TNFSF4: variants seen among roughly 807,000 people sequenced by gnomAD.
TNFSF4 encodes tumor necrosis factor ligand superfamily member 4.
In TNFSF4, 4 loss-of-function variants were observed where a neutral mutation model predicts 7.3. That is an observed-to-expected ratio of 0.55 (90% CI 0.27 to 1.25). The LOEUF (loss-of-function observed/expected upper bound fraction) is 1.25. TNFSF4 is among the 50% of genes most tolerant of loss of function. The probability of loss-of-function intolerance (pLI) is 0.12; values close to 1 mark genes in which losing one functional copy is unlikely to be tolerated. For synonymous variants in TNFSF4, 76 were observed against 83.7 expected (o/e 0.91, Z 0.50); for missense variants, 181 against 208.8 (o/e 0.87, Z 0.82).
chr1:173,328,634 T>C, the TNFSF4 span, among the ~76,000 whole-genome samples: 1 of 151,780 alleles, frequency 6.6e-6, no homozygotes, highest in East Asian at 1.9e-4. Context: ...TATACCTATG[T>C]AACAAACCTG....
the TNFSF4 span, among the ~76,000 whole-genome samples, chr1:173,382,909 C>CACACACAA: frequency 3.6e-4 from 24 of 67,266 alleles, no homozygotes; most frequent in African/African-American, 7.1e-4. Flanking sequence ...CACACACACA[C>CACACACAA]AAAGGTGCGT....
At chr1:173,376,892 A>G in the TNFSF4 span, among the ~76,000 whole-genome samples, 1 of 152,150 alleles carries the variant, frequency 6.6e-6, no homozygotes, top group Non-Finnish European at 1.5e-5. Flanking sequence ...TTCATTCCTG[A>G]AGTCAGTGAG....
the TNFSF4 span, among the ~76,000 whole-genome samples, chr1:173,320,890 T>A: frequency 6.6e-6 from 1 of 152,244 alleles, no homozygotes; most frequent in Non-Finnish European, 1.5e-5. Context: ...ATTGTGAAGA[T>A]GGTCATGCTG....
the TNFSF4 span, among the ~76,000 whole-genome samples, chr1:173,425,723 C>CA: frequency 6.6e-6 from 1 of 152,242 alleles, no homozygotes; most frequent in Admixed American, 6.5e-5. Context: ...GGTTAATGCA[C>CA]ACACAGCCTT....
chr1:173,344,233 T>C, the TNFSF4 span, among the ~76,000 whole-genome samples: 1 of 152,202 alleles, frequency 6.6e-6, no homozygotes, highest in African/African-American at 2.4e-5. Flanking sequence ...TGATGTAACA[T>C]TGCAGCGCAC....
the TNFSF4 span, among the ~76,000 whole-genome samples, chr1:173,352,954 C>T: frequency 2.6e-5 from 4 of 152,192 alleles, no homozygotes; most frequent in African/African-American, 9.6e-5. Context: ...AGTGATATTT[C>T]TCTTACCCAT....
intron 1 of TNFSF4, among the ~76,000 whole-genome samples, chr1:173,195,307 C>T (rs1337624910): frequency 6.6e-6 from 1 of 152,236 alleles, no homozygotes; most frequent in South Asian, 2.1e-4. Flanking sequence ...CTAGAAAGAG[C>T]TCCTCAACCA....
the TNFSF4 span, among the ~76,000 whole-genome samples, chr1:173,347,625 A>T: frequency 6.6e-6 from 1 of 152,232 alleles, no homozygotes; most frequent in Non-Finnish European, 1.5e-5. Flanking sequence ...GAAAGAAATC[A>T]TTTTATTTTA....
the TNFSF4 span, among the ~76,000 whole-genome samples, chr1:173,433,988 T>C: frequency 5.9e-5 from 9 of 151,984 alleles, no homozygotes; most frequent in Admixed American, 2.0e-4. Context: ...TGAAGATGAG[T>C]TATGCTGCCA....
At chr1:173,201,808 T>C (rs1038599527) in intron 1 of TNFSF4, among the ~76,000 whole-genome samples, 1 of 152,258 alleles carries the variant, frequency 6.6e-6, no homozygotes, top group African/African-American at 2.4e-5. Flanking sequence ...ATACAAAGCA[T>C]AGGATGGTAG....
At chr1:173,250,389 T>C in the TNFSF4 span, among the ~76,000 whole-genome samples, 5 of 152,210 alleles carry the variant, frequency 3.3e-5, no homozygotes, top group African/African-American at 1.2e-4. Flanking sequence ...GAAAATCATG[T>C]CTTATATGTA....
chr1:173,207,399 G>C (rs1650243432), upstream of TNFSF4: 1 of 410,356 alleles, frequency 2.4e-6, no homozygotes, highest in East Asian at 3.6e-5. Context: ...GAACTTCTTT[G>C]TGACTAATCT....
chr1:173,412,083 T>C, the TNFSF4 span, among the ~76,000 whole-genome samples: 3 of 138,404 alleles, frequency 2.2e-5, no homozygotes, highest in Admixed American at 2.4e-4. Context: ...GCCATTGCAC[T>C]CCAGCCTGGC....
the TNFSF4 span, among the ~76,000 whole-genome samples, chr1:173,321,405 G>A: frequency 1.3e-5 from 2 of 152,078 alleles, no homozygotes; most frequent in Non-Finnish European, 2.9e-5. Flanking sequence ...TACCATTCAG[G>A]ACATAGGCAT....
the TNFSF4 span, among the ~76,000 whole-genome samples, chr1:173,380,934 C>G: frequency 6.6e-6 from 1 of 152,152 alleles, no homozygotes; most frequent in Admixed American, 6.5e-5. Flanking sequence ...ACTAACTGGA[C>G]AGGCACCTGC....
chr1:173,270,868 A>G, the TNFSF4 span, among the ~76,000 whole-genome samples: 2 of 152,160 alleles, frequency 1.3e-5, no homozygotes, highest in Non-Finnish European at 2.9e-5. Flanking sequence ...AGTAGAACCA[A>G]ATTTTCAGAA....
At chr1:173,404,528 C>A in the TNFSF4 span, among the ~76,000 whole-genome samples, 2 of 152,178 alleles carry the variant, frequency 1.3e-5, no homozygotes, top group African/African-American at 4.8e-5. Flanking sequence ...TGTAATTATT[C>A]ATCTGCCTGG....
At chr1:173,358,498 C>T in the TNFSF4 span, among the ~76,000 whole-genome samples, 1 of 152,310 alleles carries the variant, frequency 6.6e-6, no homozygotes, top group East Asian at 1.9e-4. Flanking sequence ...CTTTGGAAAA[C>T]TATTTGGAAG....
chr1:173,400,897 A>G, the TNFSF4 span, among the ~76,000 whole-genome samples: 7 of 152,222 alleles, frequency 4.6e-5, no homozygotes, highest in South Asian at 2.1e-4. Flanking sequence ...GGCAATACGA[A>G]TAAGTAGTGA....
Sources: allele counts gnomAD v4.1 joint callset (sites outside exome capture counted in the v4.1 genomes callset), GRCh38; gene constraint gnomAD v4.1.1; transcripts MANE v1.5; gene names NCBI Gene and HGNC (gene_info 2026-07-23, HGNC 2026-07-21).